PPM1H: variants seen among roughly 807,000 people sequenced by gnomAD.
PPM1H encodes the protein protein phosphatase, Mg2+/Mn2+ dependent 1H, also known as protein phosphatase 1H.
A neutral mutation model predicts 54.9 loss-of-function variants in PPM1H; 27 were observed. The ratio of observed to expected loss-of-function variants is 0.49; its 90% CI spans 0.36 to 0.68. PPM1H has a LOEUF of 0.68. Among genes scored for constraint, PPM1H ranks in the 30% least tolerant of loss-of-function variants. PPM1H has a pLI of 0.00. For missense variants in PPM1H, 596 were observed against 667.8 expected (o/e 0.89, Z 1.19); for synonymous variants, 305 against 270.8 (o/e 1.13, Z -1.24).
chr12:62,882,499 T>C (rs373979705), intron 1 of PPM1H, among the ~76,000 whole-genome samples: 69 of 152,346 alleles, frequency 4.5e-4, no homozygotes, highest in East Asian at 3.3e-3. Context: ...CTTCTAGGAA[T>C]GGACAGAGCT....
intron 1 of PPM1H, among the ~76,000 whole-genome samples, chr12:62,907,427 AG>A (rs1871333285): frequency 6.6e-6 from 1 of 152,190 alleles, no homozygotes; most frequent in Admixed American, 6.5e-5. Flanking sequence ...ACCTGTGTTC[AG>A]GTTTGCCACC....
chr12:62,806,510 C>T (rs896176985), intron 2 of PPM1H, among the ~76,000 whole-genome samples: 5 of 152,102 alleles, frequency 3.3e-5, no homozygotes, highest in African/African-American at 9.7e-5. Context: ...AATCTCAGGT[C>T]GAATTGTGAT....
chr12:62,836,637 G>A (rs1485830188), intron 1 of PPM1H, among the ~76,000 whole-genome samples: 1 of 152,168 alleles, frequency 6.6e-6, no homozygotes, highest in Admixed American at 6.5e-5. Flanking sequence ...TTGTGTGTGT[G>A]TGTGTTGGGG....
At chr12:62,817,137 GAAA>G (rs748440124) in intron 2 of PPM1H, among the ~76,000 whole-genome samples, 27 of 67,364 alleles carry the variant, frequency 4.0e-4, no homozygotes, top group African/African-American at 1.7e-3. Flanking sequence ...AAAAAAAAAA[GAAA>G]AAAAAAAAAA....
At chr12:62,798,474 G>A (rs954385735) in intron 3 of PPM1H, among the ~76,000 whole-genome samples, 2 of 152,100 alleles carry the variant, frequency 1.3e-5, no homozygotes, top group African/African-American at 4.8e-5. Flanking sequence ...AGTGGATTGG[G>A]GGCCCAGTTT....
At chr12:62,742,343 T>A (rs921944660) in intron 4 of PPM1H, among the ~76,000 whole-genome samples, 4 of 152,256 alleles carry the variant, frequency 2.6e-5, no homozygotes, top group Admixed American at 2.6e-4. Flanking sequence ...ACCTTCCCAG[T>A]GCCTACATCA....
At position 62,844,499 on chromosome 12, in the gene PPM1H, T is replaced by C. The variant is rs148997986; in HGVS notation, c.246-12220A>G. ...CATTCCCCTCAAGGCTCAAGATAAC[T>C]TAAAGTTCCAACAGCTTTAAGTTTG... On this transcript the variant is annotated intron_variant, in intron 1 of 9. Transcript: ENST00000228705. The surrounding 1 kb of genome is among the most constrained non-coding windows in gnomAD (Gnocchi z 5.2). Among the ~76,000 whole-genome samples the C allele has an allele frequency of 4.1e-3, 626 of 152,322 alleles. 2 individuals carry two copies. Among genetic ancestry groups the C allele is most frequent in the Admixed American group, 7.5e-3 (115 of 15,302 alleles).
intron 2 of PPM1H, among the ~76,000 whole-genome samples, chr12:62,816,705 G>A (rs370313237): frequency 1.3e-5 from 2 of 151,466 alleles, no homozygotes; most frequent in African/African-American, 2.4e-5. Flanking sequence ...TCTGGTACAC[G>A]AGTGCTGAGT....
At chr12:62,700,504 G>A (rs2076138350) in intron 6 of PPM1H, among the ~76,000 whole-genome samples, 1 of 152,180 alleles carries the variant, frequency 6.6e-6, no homozygotes, top group Non-Finnish European at 1.5e-5. Flanking sequence ...AACAAGGATT[G>A]AGTATTTTGT....
chr12:62,911,460 AC>A (rs138969905), intron 1 of PPM1H, among the ~76,000 whole-genome samples: 2,528 of 152,272 alleles, frequency 0.017, 83 homozygotes, highest in African/African-American at 0.058. Context: ...TCATTTACTG[AC>A]CTTAATTACC....
intron 8 of PPM1H, among the ~76,000 whole-genome samples, chr12:62,667,580 A>G (rs967146206): frequency 6.6e-6 from 1 of 152,220 alleles, no homozygotes. Flanking sequence ...TAATTGACAT[A>G]GAAGAAATTA....
chr12:62,774,245 C>G (rs563229183), intron 4 of PPM1H, among the ~76,000 whole-genome samples: 3 of 152,146 alleles, frequency 2.0e-5, no homozygotes, highest in African/African-American at 7.2e-5. Context: ...CAGTTTGCTA[C>G]GGGACAAGAT....
intron 9 of PPM1H, among the ~76,000 whole-genome samples, chr12:62,658,102 C>G (rs900016001): frequency 6.9e-6 from 1 of 144,218 alleles, no homozygotes; most frequent in South Asian, 2.1e-4. Context: ...CATGATGGCT[C>G]ACACCTGCAA....
rs2075799343 is a variant in PPM1H at position 62,648,598 on chromosome 12, C to T, written c.1436G>A (p.Arg479Gln). 5.0e-6 allele frequency: 8 copies of T among 1,613,964 alleles called. No individual in the cohort carries two copies. The highest frequency in any genetic ancestry group is 5.1e-6 in the Non-Finnish European group (6 of 1,179,868). ...CCATCCTCTGTCCTTCAGCACACCC[C>T]GGGCACGCATCACCAGGTCCTGAGC... ...LAAQDLVMRA[R>Q]GVLKDRGWRI... The change falls in exon 10 of 10, where the codon CGG (arginine) becomes CAG (glutamine). Residue 479 changes from arginine to glutamine, a missense_variant. Transcript: ENST00000228705.
chr12:62,868,424 GA>G (rs1869860871), intron 1 of PPM1H, among the ~76,000 whole-genome samples: 1 of 152,122 alleles, frequency 6.6e-6, no homozygotes, highest in Admixed American at 6.5e-5. Context: ...CTCTGGCAGT[GA>G]AGAACCTGGG....
At chr12:62,731,801 G>A (rs971489322) in intron 5 of PPM1H, among the ~76,000 whole-genome samples, 6 of 152,270 alleles carry the variant, frequency 3.9e-5, no homozygotes, top group Non-Finnish European at 7.3e-5. Context: ...TTATAAATAT[G>A]TACCGGCAGA....
intron 1 of PPM1H, among the ~76,000 whole-genome samples, chr12:62,880,302 C>T (rs754968505): frequency 6.6e-6 from 1 of 152,152 alleles, no homozygotes; most frequent in Non-Finnish European, 1.5e-5. Flanking sequence ...TCAAGTTTGG[C>T]CAGGATGATT....
At chr12:62,688,428 T>TA (rs10556503) in intron 8 of PPM1H, among the ~76,000 whole-genome samples, 30,445 of 148,964 alleles carry the variant, frequency 0.2, 3,178 homozygotes, top group South Asian at 0.26. Context: ...CAAAAGTAAT[T>TA]AAAAAAAAAA....
chr12:62,905,370 C>T (rs1267448872), intron 1 of PPM1H, among the ~76,000 whole-genome samples: 2 of 152,052 alleles, frequency 1.3e-5, no homozygotes, highest in African/African-American at 4.8e-5. Flanking sequence ...GTTCATGGAG[C>T]TCAGGGGTAG....
Sources: allele counts gnomAD v4.1 joint callset (sites outside exome capture counted in the v4.1 genomes callset), GRCh38; gene constraint gnomAD v4.1.1; non-coding constraint Gnocchi (gnomAD v3.1); transcripts MANE v1.5; gene names NCBI Gene and HGNC (gene_info 2026-07-23, HGNC 2026-07-21).